DNAJB4: variants seen among roughly 807,000 people sequenced by gnomAD.
DNAJB4 encodes the protein DnaJ heat shock protein family (Hsp40) member B4.
Under a neutral mutation model 26.6 loss-of-function variants are expected in DNAJB4, and 10 were observed. That is an observed-to-expected ratio of 0.38 (90% confidence interval 0.23 to 0.64). The LOEUF is 0.64. Among genes scored for constraint, DNAJB4 ranks in the 30% least tolerant of loss-of-function variants. The pLI is 0.58. For synonymous variants in DNAJB4, 136 were observed against 134.8 expected (o/e 1.01, Z -0.06); for missense variants, 328 against 408.2 (o/e 0.80, Z 1.69).
At chr1:77,982,360 T>A (rs1324822196) in intron 1 of DNAJB4, among the ~76,000 whole-genome samples, 1 of 152,228 alleles carries the variant, frequency 6.6e-6, no homozygotes, top group Non-Finnish European at 1.5e-5. Flanking sequence ...GGATCATATA[T>A]TTAGATAATC....
At chr1:77,993,211 A>T (rs76743085) in intron 1 of DNAJB4, among the ~76,000 whole-genome samples, 1,697 of 152,334 alleles carry the variant, frequency 0.011, 32 homozygotes, top group African/African-American at 0.038. Context: ...CTTGTGGGCC[A>T]TACAGTCTCT....
intron 1 of DNAJB4, among the ~76,000 whole-genome samples, chr1:77,997,842 T>C (rs1255367474): frequency 1.3e-5 from 2 of 152,132 alleles, no homozygotes; most frequent in East Asian, 3.8e-4. Flanking sequence ...GTTTGGAGTA[T>C]AGTGGCATGA....
In DNAJB4 at chr1:77,981,619, A is replaced by G. The variant is rs144270889; in HGVS notation, c.-32+1297A>G. Among the ~76,000 whole-genome samples the G allele has an allele frequency of 7.2e-5, 11 of 152,186 alleles. 1 individual carries two copies. The East Asian group carries it at 1.9e-3, about 27-fold the overall frequency. On this transcript the variant is annotated intron_variant, in intron 1 of 2. Coordinates refer to the DNAJB4 transcript ENST00000426517. Reference sequence around the variant, plus strand: ...GAGCCACCGCGCCCAGCCACAATAAAATTCTTGATAGCTTAATCTTTTGGA... The same window carrying G: ...GAGCCACCGCGCCCAGCCACAATAAGATTCTTGATAGCTTAATCTTTTGGA...
chr1:78,012,900 A>G, intron 1 of DNAJB4, 151 bp from the exon 2 acceptor site: 1 of 549,678 alleles, frequency 1.8e-6, no homozygotes, highest in Non-Finnish European at 3.1e-6. Context: ...AGAGTTTTAT[A>G]GCTGTTCTGT....
upstream of DNAJB4, among the ~76,000 whole-genome samples, chr1:78,002,604 T>C (rs1241609452): frequency 6.6e-6 from 1 of 152,212 alleles, no homozygotes; most frequent in East Asian, 1.9e-4. Flanking sequence ...TGGCTTTTAC[T>C]ATTGCCAAAT....
intron 1 of DNAJB4, among the ~76,000 whole-genome samples, chr1:77,987,111 C>T (rs572604516): frequency 6.6e-6 from 1 of 152,330 alleles, no homozygotes; most frequent in Non-Finnish European, 1.5e-5. Context: ...TAGGATTCAT[C>T]TCAGGGGTGA....
At position 77,998,267 on chromosome 1, in the gene DNAJB4, G is replaced by C. The variant is rs1660111513; in HGVS notation, c.-31-6813G>C. 2.6e-5 allele frequency among the ~76,000 whole-genome samples: 4 copies of C among 152,258 alleles called. No individual in the cohort carries two copies. In the South Asian group the frequency reaches 6.2e-4, roughly 24 times the overall value. On this transcript the variant is annotated intron_variant, in intron 1 of 2. Coordinates refer to the DNAJB4 transcript ENST00000426517. ...GCTGAGTGATTGAAATACTTTATTT[G>C]TGGAAAATGTGCACTATGATAACCA... is the stretch of plus-strand genomic sequence containing the variant.
upstream of DNAJB4, chr1:78,004,274 G>GT (rs1660263340): frequency 6.6e-6 from 1 of 152,166 alleles, no homozygotes; most frequent in South Asian, 2.1e-4. Flanking sequence ...TCAAAAATAA[G>GT]TATTTGTTTG....
intron 1 of DNAJB4, among the ~76,000 whole-genome samples, chr1:77,997,635 GCTT>G (rs1460414176): frequency 6.6e-6 from 1 of 151,968 alleles, no homozygotes; most frequent in African/African-American, 2.4e-5. Flanking sequence ...ATGCTCTTTT[GCTT>G]CTTGACTTAG....
At position 77,999,211 on chromosome 1, in the gene DNAJB4, T is replaced by G. The variant is rs573133167; in HGVS notation, c.-31-5869T>G. Among the ~76,000 whole-genome samples, 6 of 152,334 alleles carry G rather than the reference T, an allele frequency of 3.9e-5. No homozygotes were observed. The South Asian group carries it at 1.2e-3, about 32-fold the overall frequency. On this transcript the variant is annotated intron_variant, in intron 1 of 2. Coordinates refer to the DNAJB4 transcript ENST00000426517. ...CTTAAAAACAGGTGAAACATTAGGA[T>G]AGACACAGCCTAGTACCCTCTAGTT...
intron 1 of DNAJB4, among the ~76,000 whole-genome samples, chr1:78,008,086 G>A (rs188558931): frequency 4.9e-4 from 75 of 152,246 alleles, no homozygotes; most frequent in South Asian, 6.2e-4. Flanking sequence ...TGGGTGAGGT[G>A]GCATATGCCT....
In DNAJB4 at chr1:77,999,413, G is replaced by A. The variant is rs373898786; in HGVS notation, c.-31-5667G>A. Among the ~76,000 whole-genome samples the A allele has an allele frequency of 8.0e-5, 12 of 150,430 alleles. No homozygotes were observed. In the South Asian group the frequency reaches 2.5e-3, roughly 32 times the overall value. ...AAAGTATTATATAAATGTTATTATGGGGAAGGCATAGAACAGGTTTTTTTT... is the reference window on the plus strand; with the variant it reads ...AAAGTATTATATAAATGTTATTATGAGGAAGGCATAGAACAGGTTTTTTTT... On this transcript the variant is annotated intron_variant, in intron 1 of 2. Coordinates refer to the DNAJB4 transcript ENST00000426517.
chr1:78,010,358 C>T (rs1445643648), intron 1 of DNAJB4, among the ~76,000 whole-genome samples: 4 of 151,562 alleles, frequency 2.6e-5, no homozygotes, highest in Non-Finnish European at 5.9e-5. Context: ...TGGTCATGAC[C>T]TTGAGCTACA....
chr1:78,013,218 A>G lies in DNAJB4; in HGVS notation c.379A>G (p.Ile127Val), dbSNP rs1354913796. The change falls in exon 2 of 3, where the codon ATA (isoleucine) becomes GTA (valine). Residue 127 changes from isoleucine (I) to valine (V), a missense_variant. Ile to Val is a conservative substitution (Grantham distance 29). Transcript: ENST00000370763. Reference sequence around the variant, plus strand: ...TGGTAGAGATTCTGAAGAAATGGAAATAGATGGTGATCCTTTTAGTGCCTT... The same window carrying G: ...TGGTAGAGATTCTGAAGAAATGGAAGTAGATGGTGATCCTTTTAGTGCCTT... ...GGGRDSEEME[I>V]DGDPFSAFGF... is the part of the protein sequence containing the mutation. 6.2e-7 allele frequency: 1 copy of G among 1,614,230 alleles called. No homozygotes were observed. Among genetic ancestry groups the G allele is most frequent in the Admixed American group, 1.7e-5 (1 of 60,028 alleles).
At chr1:78,015,907 G>T in intron 2 of DNAJB4, 107 bp from the exon 3 acceptor site, 3 of 955,144 alleles carry the variant, frequency 3.1e-6, no homozygotes, top group Non-Finnish European at 4.6e-6. Flanking sequence ...TCTTTTGGAG[G>T]TTAAAGTTTT....
At chr1:77,997,405 T>C (rs929902365) in intron 1 of DNAJB4, among the ~76,000 whole-genome samples, 2 of 151,596 alleles carry the variant, frequency 1.3e-5, no homozygotes, top group African/African-American at 2.4e-5. Flanking sequence ...GAGCCTGTAA[T>C]ACCAGTTACT....
At chr1:78,012,775 C>T (rs547543002) in intron 1 of DNAJB4, among the ~76,000 whole-genome samples, 11 of 151,828 alleles carry the variant, frequency 7.2e-5, no homozygotes, top group Non-Finnish European at 1.3e-4. Flanking sequence ...CGCCATTGCA[C>T]TCCAGCCTGG....
At chr1:77,997,361 C>CTA (rs1049173141) in intron 1 of DNAJB4, among the ~76,000 whole-genome samples, 12 of 149,054 alleles carry the variant, frequency 8.1e-5, no homozygotes, top group African/African-American at 2.7e-4. Flanking sequence ...ATCTATATAT[C>CTA]TATATATATA....
chr1:77,992,883 C>T (rs1659969853), intron 1 of DNAJB4: 1 of 152,154 alleles, frequency 6.6e-6, no homozygotes, highest in Non-Finnish European at 1.5e-5. Context: ...GCTACCACAC[C>T]TGGCTAATTT....
Sources: allele counts gnomAD v4.1 joint callset (sites outside exome capture counted in the v4.1 genomes callset), GRCh38; gene constraint gnomAD v4.1.1; transcripts MANE v1.5; gene names NCBI Gene and HGNC (gene_info 2026-07-23, HGNC 2026-07-21).